The following CLNK variants were observed in gnomAD, a reference collection of about 807,000 sequenced individuals.
CLNK encodes cytokine dependent hematopoietic cell linker.
Under a neutral mutation model 68.6 loss-of-function variants are expected in CLNK, and 74 were observed. The observed-to-expected ratio is 1.08, with a 90% CI of 0.89 to 1.31. The LOEUF is 1.31. Among genes scored for constraint, CLNK ranks in the 50% most tolerant of loss-of-function variants. The pLI is 0.00. For missense variants in CLNK, 553 were observed against 515.3 expected, an observed-to-expected ratio of 1.07 and a Z score of -0.71; for synonymous variants, 198 against 172.2, an observed-to-expected ratio of 1.15 and a Z score of -1.17.
In CLNK at chr4:10,532,285, T is replaced by TGCAAGA. The variant is rs761316399; in HGVS notation, c.603-8_603-3dup. On this transcript the variant is annotated splice_region_variant and splice_polypyrimidine_tract_variant and intron_variant, in intron 11 of 18. Transcript: ENST00000226951. ...CTTAAGTCCCTTAAGCTTATCTGAC[T>TGCAAGA]GCAAGAAAAAGAAATACGGTGTTAC... 1.2e-4 allele frequency: 186 copies of TGCAAGA among 1,608,958 alleles called. No individual in the cohort carries two copies. Among genetic ancestry groups the TGCAAGA allele is most frequent in the Non-Finnish European group, 1.5e-4 (177 of 1,176,366 alleles).
intron 16 of CLNK, among the ~76,000 whole-genome samples, chr4:10,508,371 T>C (rs553850786): frequency 6.6e-6 from 1 of 152,178 alleles, no homozygotes; most frequent in Non-Finnish European, 1.5e-5. Flanking sequence ...GAGGTGGAAA[T>C]GTATACTGTT....
At chr4:10,646,680 A>C (rs1177565633) in intron 2 of CLNK, among the ~76,000 whole-genome samples, 2 of 151,064 alleles carry the variant, frequency 1.3e-5, no homozygotes, top group Admixed American at 6.6e-5. Flanking sequence ...TTCTTCTCTC[A>C]CCTGCTCTTT....
chr4:10,651,820 A>G (rs192698853), intron 2 of CLNK, among the ~76,000 whole-genome samples: 13 of 152,284 alleles, frequency 8.5e-5, no homozygotes, highest in Non-Finnish European at 1.8e-4. Flanking sequence ...CTGTAAATAT[A>G]TCATTTAGCT....
chr4:10,513,323 T>C, intron 16 of CLNK, 141 bp downstream of exon 16: 1 of 649,184 alleles, frequency 1.5e-6, no homozygotes, highest in South Asian at 2.6e-5. Flanking sequence ...ACTTTAAAAA[T>C]ATTAAAACCC....
chr4:10,650,700 T>A (rs1033984652), intron 2 of CLNK, among the ~76,000 whole-genome samples: 1 of 152,200 alleles, frequency 6.6e-6, no homozygotes, highest in Non-Finnish European at 1.5e-5. Flanking sequence ...CTTTTCTTAC[T>A]ATATGCTTTC....
At chr4:10,707,415 C>T in the CLNK span, among the ~76,000 whole-genome samples, 5 of 152,234 alleles carry the variant, frequency 3.3e-5, no homozygotes, top group East Asian at 9.6e-4. Flanking sequence ...TCAATTTCTT[C>T]ATAAATTGTC....
the CLNK span, among the ~76,000 whole-genome samples, chr4:10,728,600 CTT>C: frequency 1.6e-5 from 2 of 125,578 alleles, no homozygotes; most frequent in Non-Finnish European, 3.3e-5. Flanking sequence ...TTCTTTCTTT[CTT>C]TCTTTTTTTT....
At chr4:10,532,112 A>G in intron 12 of CLNK, 144 bp downstream of exon 12, 1 of 726,480 alleles carries the variant, frequency 1.4e-6, no homozygotes, top group Admixed American at 2.1e-5. Flanking sequence ...TCTTATCTTT[A>G]AAATAGAGAT....
intron 3 of CLNK, among the ~76,000 whole-genome samples, chr4:10,593,933 A>C (rs540573866): frequency 1.1e-3 from 173 of 152,308 alleles, no homozygotes; most frequent in Admixed American, 2.4e-3. Context: ...TGGAAAGTGA[A>C]GATGTGGATT....
chr4:10,632,405 G>C (rs1030537590), intron 2 of CLNK, among the ~76,000 whole-genome samples: 5 of 152,258 alleles, frequency 3.3e-5, no homozygotes, highest in African/African-American at 1.2e-4. Context: ...CATCAGGAGA[G>C]GGGGAGGGAC....
intron 2 of CLNK, among the ~76,000 whole-genome samples, chr4:10,637,438 GT>G (rs11396379): frequency 1.1e-3 from 138 of 124,168 alleles, no homozygotes; most frequent in East Asian, 3.5e-3. Flanking sequence ...AATAAAAAAA[GT>G]TTTTTTTTTT....
At chr4:10,668,812 C>T (rs1724513876) in intron 1 of CLNK, among the ~76,000 whole-genome samples, 1 of 152,122 alleles carries the variant, frequency 6.6e-6, no homozygotes, top group Admixed American at 6.5e-5. Context: ...ATGAAAATCC[C>T]CATCTCACGC....
At chr4:10,669,500 T>C (rs999130916) in intron 1 of CLNK, among the ~76,000 whole-genome samples, 2 of 152,124 alleles carry the variant, frequency 1.3e-5, no homozygotes, top group African/African-American at 4.8e-5. Flanking sequence ...GATGTTACAA[T>C]GTATATTGTG....
At chr4:10,661,397 C>T (rs903183763) in intron 2 of CLNK, among the ~76,000 whole-genome samples, 2 of 152,108 alleles carry the variant, frequency 1.3e-5, no homozygotes, top group African/African-American at 2.4e-5. Flanking sequence ...GTGATGTATC[C>T]GTGATGAGAA....
chr4:10,490,887 C>T lies in CLNK; in HGVS notation c.1141-274G>A, dbSNP rs183772315. On this transcript the variant is annotated intron_variant, in intron 18 of 18. Coordinates refer to ENST00000226951, the MANE Select transcript of CLNK (RefSeq NM_052964.4). ...TCAAGTGATTCTCCTGTCTCAGCCT[C>T]CCAAGTAGCTGGGATTACAAGCATG... is the stretch of plus-strand genomic sequence containing the variant. Among the ~76,000 whole-genome samples, 29 of 152,204 alleles carry T rather than the reference C, an allele frequency of 1.9e-4. 1 individual carries two copies. The highest frequency in any genetic ancestry group is 6.7e-4 in the African/African-American group (28 of 41,536).
rs1408561335 is a variant in CLNK, at chr4:10,654,393, A to ATATATATATATATATATATATG, written c.11+13465_11+13466insCATATATATATATATATATATA. On this transcript the variant is annotated intron_variant, in intron 2 of 18. Coordinates refer to ENST00000226951, the MANE Select transcript of CLNK (RefSeq NM_052964.4). Reference sequence around the variant, plus strand: ...AAATATATATTGATTAAATATATATATATATATATAGAAAGTCTCTTGGCA... The same window carrying ATATATATATATATATATATATG: ...AAATATATATTGATTAAATATATATATATATATATATATATATATATGTATATATATAGAAAGTCTCTTGGCA... Among the ~76,000 whole-genome samples, 7 of 133,856 alleles carry ATATATATATATATATATATATG rather than the reference A, an allele frequency of 5.2e-5. 1 individual carries two copies. Among genetic ancestry groups the ATATATATATATATATATATATG allele is most frequent in the Non-Finnish European group, 1.2e-4 (7 of 59,134 alleles). 87.8% of individuals were successfully genotyped at this position (133,856 alleles called of 152,430 possible). A position where few individuals can be genotyped will look rare whatever the true frequency, so the allele number is the denominator to read the frequency against.
chr4:10,725,670 G>A, the CLNK span, among the ~76,000 whole-genome samples: 3 of 152,032 alleles, frequency 2.0e-5, no homozygotes, highest in Non-Finnish European at 2.9e-5. Context: ...TGGCTAACAT[G>A]GTGAAACACC....
At chr4:10,718,273 C>G in the CLNK span, among the ~76,000 whole-genome samples, 9 of 152,098 alleles carry the variant, frequency 5.9e-5, no homozygotes, top group Non-Finnish European at 1.3e-4. Flanking sequence ...ATACTGACAA[C>G]TCTCCCATTT....
chr4:10,726,914 A>C, the CLNK span, among the ~76,000 whole-genome samples: 1 of 152,228 alleles, frequency 6.6e-6, no homozygotes, highest in Non-Finnish European at 1.5e-5. Context: ...TACCTGTAAC[A>C]GACATGTATG....
Sources: gnomAD v4.1 joint callset for allele counts (sites outside exome capture counted in the v4.1 genomes callset) on GRCh38, gnomAD v4.1.1 for gene constraint, MANE v1.5 for transcripts, NCBI Gene and HGNC (gene_info 2026-07-23, HGNC 2026-07-21) for gene names.